The following CELF1 variants were observed in gnomAD, a reference collection of about 807,000 sequenced individuals.
CELF1 encodes the protein CUGBP Elav-like family member 1.
Under a neutral mutation model 61.8 loss-of-function variants are expected in CELF1, and 10 were observed. The observed-to-expected ratio is 0.16, with a 90% confidence interval of 0.10 to 0.27. The LOEUF is 0.27. Among genes scored for constraint, CELF1 ranks in the 10% least tolerant of loss-of-function variants. The probability of loss-of-function intolerance (pLI) is 1.00; values close to 1 mark genes in which losing one functional copy is unlikely to be tolerated. For synonymous variants in CELF1, 236 were observed against 225.1 expected (o/e 1.05, Z -0.43); for missense variants, 380 against 639.1 (o/e 0.59, Z 4.37).
intron 1 of CELF1, among the ~76,000 whole-genome samples, chr11:47,536,185 A>G (rs1483505753): frequency 6.6e-6 from 1 of 152,090 alleles, no homozygotes; most frequent in Non-Finnish European, 1.5e-5. Flanking sequence ...CCTAGCCAAC[A>G]TGGCAAAATC....
Position 47,564,851 on chromosome 11 carries a change from G to C in CELF1, c.-129-382C>G, listed in dbSNP as rs145383385. On this transcript the variant is annotated intron_variant, in intron 1 of 3. Coordinates refer to the CELF1 transcript ENST00000525841. ...CAACCATTCTTCTTACCTTTTTGTA[G>C]GTTGCAGGTTTTATATTTGAGCTCT... Among the ~76,000 whole-genome samples the C allele has an allele frequency of 9.8e-4, 149 of 152,224 alleles. 1 individual carries two copies. Among genetic ancestry groups the C allele is most frequent in the African/African-American group, 3.3e-3 (138 of 41,548 alleles).
intron 1 of CELF1, among the ~76,000 whole-genome samples, chr11:47,521,409 T>C (rs928037000): frequency 1.3e-5 from 2 of 152,240 alleles, no homozygotes; most frequent in African/African-American, 4.8e-5. Flanking sequence ...AGTGTGCTAA[T>C]AAAATAGACA....
intron 4 of CELF1, among the ~76,000 whole-genome samples, chr11:47,488,442 A>AAC (rs2089085446): frequency 6.6e-6 from 1 of 152,214 alleles, no homozygotes; most frequent in Admixed American, 6.5e-5. Context: ...TGCTAGCCCA[A>AAC]ACACTAAAGA....
At chr11:47,482,469 A>C (rs1242925780) in intron 9 of CELF1, 1 of 349,170 alleles carries the variant, frequency 2.9e-6, no homozygotes, top group Non-Finnish European at 5.1e-6. Context: ...CTTTAGTTGC[A>C]GCAAAAGCCT....
chr11:47,534,554 G>GTC (rs1398737449), intron 1 of CELF1, among the ~76,000 whole-genome samples: 4 of 151,736 alleles, frequency 2.6e-5, no homozygotes, highest in Non-Finnish European at 5.9e-5. Context: ...GTGAAACCCT[G>GTC]TCTCTACTAA....
chr11:47,498,490 C>G (rs1195518158), intron 3 of CELF1, among the ~76,000 whole-genome samples: 1 of 152,212 alleles, frequency 6.6e-6, no homozygotes, highest in Non-Finnish European at 1.5e-5. Flanking sequence ...ATTATCCACA[C>G]CTGTTACATC....
chr11:47,503,574 T>C (rs1409487062), intron 1 of CELF1, among the ~76,000 whole-genome samples: 1 of 152,194 alleles, frequency 6.6e-6, no homozygotes, highest in Non-Finnish European at 1.5e-5. Flanking sequence ...GGAATGGTTA[T>C]AACCTCAGAT....
In CELF1 at chr11:47,470,948, C is replaced by G. The variant is rs1377281787; in HGVS notation, c.*1282G>C. ...GAGGACAAAAATGAACACGGTAATA[C>G]TGAGGTAAATGAACACTCAATTCAT... On this transcript the variant is annotated 3_prime_UTR_variant, in exon 15 of 15. Coordinates refer to ENST00000687097, the MANE Select transcript of CELF1 (RefSeq NM_001376376.1). 6.6e-6 allele frequency: 1 copy of G among 152,190 alleles called. No individual in the cohort carries two copies. Among genetic ancestry groups the G allele is most frequent in the Non-Finnish European group, 1.5e-5 (1 of 68,046 alleles). The allele number at this position is 152,190 out of a possible 1,614,324, so 9.4% of individuals were successfully genotyped here. A position where few individuals can be genotyped will look rare whatever the true frequency, so the allele number is the denominator to read the frequency against.
At chr11:47,551,733 G>A (rs1319335874) in intron 1 of CELF1, among the ~76,000 whole-genome samples, 1 of 152,140 alleles carries the variant, frequency 6.6e-6, no homozygotes, top group Admixed American at 6.6e-5. Flanking sequence ...GAAGTTCCGG[G>A]CGGGGGCGGT....
intron 1 of CELF1, among the ~76,000 whole-genome samples, chr11:47,504,839 T>C (rs1253399529): frequency 6.8e-6 from 1 of 147,418 alleles, no homozygotes; most frequent in African/African-American, 2.5e-5. Flanking sequence ...GAGGCGGAGG[T>C]TGCAGTAAGC....
upstream of CELF1, among the ~76,000 whole-genome samples, chr11:47,554,196 A>G (rs1055865502): frequency 9.9e-5 from 15 of 152,106 alleles, no homozygotes; most frequent in East Asian, 1.9e-4. Flanking sequence ...TGGGGGGGAA[A>G]AAAACTAACC....
At chr11:47,557,393 T>C (rs1160610155), upstream of CELF1, 2 of 149,076 alleles carry the variant, frequency 1.3e-5, no homozygotes, top group African/African-American at 4.9e-5. Context: ...TAATTTTTTG[T>C]ATTTTTAGTA....
At chr11:47,495,184 TG>T (rs2092834847) in intron 3 of CELF1, among the ~76,000 whole-genome samples, 2 of 152,282 alleles carry the variant, frequency 1.3e-5, no homozygotes, top group South Asian at 4.1e-4. Flanking sequence ...AGAGATAGCA[TG>T]GGTTAAATGG....
intron 1 of CELF1, among the ~76,000 whole-genome samples, chr11:47,511,690 TC>T (rs34218356): frequency 6.6e-6 from 1 of 152,160 alleles, no homozygotes; most frequent in Non-Finnish European, 1.5e-5. Context: ...GTACGCTATC[TC>T]CATTTTGCAG....
chr11:47,488,259 CTCTG>C (rs1332554449), intron 4 of CELF1, among the ~76,000 whole-genome samples: 1 of 152,234 alleles, frequency 6.6e-6, no homozygotes, highest in African/African-American at 2.4e-5. Context: ...GAAACTTCCA[CTCTG>C]CTAGGCAATT....
chr11:47,510,246 T>C (rs2095001183), intron 1 of CELF1, among the ~76,000 whole-genome samples: 1 of 152,228 alleles, frequency 6.6e-6, no homozygotes, highest in South Asian at 2.1e-4. Flanking sequence ...AAAGCCTTTC[T>C]TAGAATAGGC....
chr11:47,494,284 T>C, intron 3 of CELF1: 1 of 620,916 alleles, frequency 1.6e-6, no homozygotes, highest in Non-Finnish European at 2.0e-6. Flanking sequence ...CTACCCCCTC[T>C]CTTTTTATGT....
intron 1 of CELF1, among the ~76,000 whole-genome samples, chr11:47,527,384 C>T (rs1043050042): frequency 6.6e-5 from 10 of 152,022 alleles, no homozygotes; most frequent in African/African-American, 2.4e-4. Flanking sequence ...AAGTGAGACA[C>T]TGCCTCAAAA....
At chr11:47,508,916 T>C (rs921815731) in intron 1 of CELF1, among the ~76,000 whole-genome samples, 2 of 152,090 alleles carry the variant, frequency 1.3e-5, no homozygotes, top group African/African-American at 4.8e-5. Context: ...ATTACAGGCA[T>C]GCGCCACCAT....
Sources: gnomAD v4.1 joint callset for allele counts (sites outside exome capture counted in the v4.1 genomes callset) on GRCh38, gnomAD v4.1.1 for gene constraint, MANE v1.5 for transcripts, NCBI Gene and HGNC (gene_info 2026-07-23, HGNC 2026-07-21) for gene names.